SLC14A1: variants seen among roughly 807,000 people sequenced by gnomAD.
The protein encoded by SLC14A1 is solute carrier family 14 member 1 (Kidd blood group).
SLC14A1 carries 36 observed loss-of-function variants against 39.6 expected under a neutral mutation model. The ratio of observed to expected loss-of-function variants is 0.91; its 90% confidence interval spans 0.70 to 1.20. The LOEUF (loss-of-function observed/expected upper bound fraction) is 1.20, where lower values mean the gene tolerates loss of function less well. Among genes scored for constraint, SLC14A1 ranks in the 50% most tolerant of loss-of-function variants. The probability of loss-of-function intolerance (pLI) is 0.00; values close to 1 mark genes in which losing one functional copy is unlikely to be tolerated. For missense variants in SLC14A1, 469 were observed against 478.7 expected (o/e 0.98, Z 0.19); for synonymous variants, 164 against 173.6 (o/e 0.94, Z 0.43).
intron 8 of SLC14A1, among the ~76,000 whole-genome samples, chr18:45,741,737 C>A (rs2047382986): frequency 6.6e-6 from 1 of 152,168 alleles, no homozygotes; most frequent in African/African-American, 2.4e-5. Context: ...GCTGTAGCCA[C>A]CTGAGTTCAG....
chr18:45,746,191 T>A (rs977038094), intron 8 of SLC14A1, among the ~76,000 whole-genome samples: 2 of 152,202 alleles, frequency 1.3e-5, no homozygotes, highest in Non-Finnish European at 2.9e-5. Context: ...CCTGTGGCAG[T>A]CCATTGGAAG....
At chr18:45,730,226 T>G in intron 2 of SLC14A1, 74 bp from the exon 3 acceptor site, 6 of 1,487,188 alleles carry the variant, frequency 4.0e-6, no homozygotes, top group Non-Finnish European at 5.4e-6. Flanking sequence ...TCTTCTACTG[T>G]AACCAGGCCC....
intron 8 of SLC14A1, among the ~76,000 whole-genome samples, chr18:45,744,188 A>G (rs2047477015): frequency 6.6e-6 from 1 of 151,980 alleles, no homozygotes; most frequent in Non-Finnish European, 1.5e-5. Context: ...AATTTTTTGT[A>G]CTTTTTGTAG....
At chr18:45,727,177 C>G (rs1425274540) in intron 2 of SLC14A1, 2 of 1,362,476 alleles carry the variant, frequency 1.5e-6, no homozygotes, top group East Asian at 2.5e-5. Context: ...TCCAGCCCCC[C>G]TCAGCTTGCC....
At chr18:45,731,351 G>A in intron 4 of SLC14A1, 147 bp downstream of exon 4, 1 of 786,932 alleles carries the variant, frequency 1.3e-6, no homozygotes, top group Non-Finnish European at 2.2e-6. Context: ...TTTAGTCAGA[G>A]GTCAGGGAAT....
At chr18:45,741,479 G>A (rs1011400245) in intron 8 of SLC14A1, among the ~76,000 whole-genome samples, 3 of 152,174 alleles carry the variant, frequency 2.0e-5, no homozygotes, top group Non-Finnish European at 2.9e-5. Flanking sequence ...GTATCAGGCG[G>A]GTTTAGAATA....
chr18:45,749,163 G>T (rs2047638851), intron 9 of SLC14A1, among the ~76,000 whole-genome samples: 1 of 151,830 alleles, frequency 6.6e-6, no homozygotes, highest in Admixed American at 6.6e-5. Context: ...AACTCCCCCA[G>T]ATGATTCTGA....
At chr18:45,737,264 T>A (rs1406453288) in intron 6 of SLC14A1, among the ~76,000 whole-genome samples, 2 of 152,018 alleles carry the variant, frequency 1.3e-5, no homozygotes, top group Non-Finnish European at 2.9e-5. Flanking sequence ...CGGGCCAGAG[T>A]TTGAGAACCA....
chr18:45,732,196 T>C (rs984125409), intron 4 of SLC14A1, among the ~76,000 whole-genome samples: 1 of 152,220 alleles, frequency 6.6e-6, no homozygotes, highest in African/African-American at 2.4e-5. Context: ...AGACAAGTCA[T>C]TTATATGTGT....
At chr18:45,727,535 G>A (rs1165297299) in intron 2 of SLC14A1, 3 of 1,226,924 alleles carry the variant, frequency 2.4e-6, no homozygotes, top group Non-Finnish European at 3.3e-6. Context: ...CTAAGCCAAA[G>A]GCACAGGGAT....
At chr18:45,740,816 G>A (rs578202655) in intron 8 of SLC14A1, among the ~76,000 whole-genome samples, 2 of 152,282 alleles carry the variant, frequency 1.3e-5, no homozygotes, top group African/African-American at 4.8e-5. Flanking sequence ...GGGATTACAG[G>A]CATAAGCCAC....
chr18:45,747,686 C>G (rs1385473297), intron 8 of SLC14A1, among the ~76,000 whole-genome samples: 1 of 151,900 alleles, frequency 6.6e-6, no homozygotes, highest in African/African-American at 2.4e-5. Flanking sequence ...CTGAGTGAGA[C>G]TCCATCTCCA....
Position 45,750,396 on chromosome 18 carries a change from G to T in SLC14A1, c.*445G>T. ...AAGTTAATCCAGAATTCTGTGATAAGCAGCTTGGCTTTTTTTTTAAATCAA... is the reference window on the plus strand; with the variant it reads ...AAGTTAATCCAGAATTCTGTGATAATCAGCTTGGCTTTTTTTTTAAATCAA... On this transcript the variant is annotated 3_prime_UTR_variant, in exon 10 of 10. Transcript: ENST00000321925. 9.3e-7 allele frequency: 1 copy of T among 1,077,306 alleles called. No homozygotes were observed. The highest frequency in any genetic ancestry group is 1.1e-6 in the Non-Finnish European group (1 of 886,190). 66.7% of individuals were successfully genotyped at this position (1,077,306 alleles called of 1,614,324 possible).
At chr18:45,744,115 C>T (rs566177792) in intron 8 of SLC14A1, among the ~76,000 whole-genome samples, 13 of 152,016 alleles carry the variant, frequency 8.6e-5, no homozygotes, top group Non-Finnish European at 1.8e-4. Flanking sequence ...TGGGTTCAAG[C>T]GATTCCTATG....
At chr18:45,727,654 A>C (rs930592451) in intron 2 of SLC14A1, among the ~76,000 whole-genome samples, 4 of 152,232 alleles carry the variant, frequency 2.6e-5, no homozygotes, top group Admixed American at 1.3e-4. Flanking sequence ...CTGGGGTTTT[A>C]CGTTTACCCT....
chr18:45,748,967 G>A (rs1394166273), intron 9 of SLC14A1, among the ~76,000 whole-genome samples: 4 of 152,192 alleles, frequency 2.6e-5, no homozygotes, highest in African/African-American at 9.6e-5. Flanking sequence ...GAGTACATCA[G>A]AGCACATGGG....
intron 8 of SLC14A1, among the ~76,000 whole-genome samples, chr18:45,745,165 C>A (rs1252954724): frequency 6.6e-6 from 1 of 152,230 alleles, no homozygotes; most frequent in Non-Finnish European, 1.5e-5. Context: ...ACCACTTGAA[C>A]TCGGAAGGCA....
chr18:45,742,764 G>A lies in SLC14A1; in HGVS notation c.946+3102G>A, dbSNP rs138360371. 5.8e-3 allele frequency among the ~76,000 whole-genome samples: 872 copies of A among 149,066 alleles called. 12 individuals carry two copies. The highest frequency in any genetic ancestry group is 0.021 in the African/African-American group (826 of 38,676). Reference sequence around the variant, plus strand: ...ACGATCTCAGCTCACTGCAACCTCTGCCTCCCGGGTCCCGGTTCAAGCAAT... The same window carrying A: ...ACGATCTCAGCTCACTGCAACCTCTACCTCCCGGGTCCCGGTTCAAGCAAT... On this transcript the variant is annotated intron_variant, in intron 8 of 9. Coordinates refer to ENST00000321925, the MANE Select transcript of SLC14A1 (RefSeq NM_015865.7).
At chr18:45,745,594 G>A (rs1041007278) in intron 8 of SLC14A1, among the ~76,000 whole-genome samples, 5 of 152,102 alleles carry the variant, frequency 3.3e-5, no homozygotes, top group African/African-American at 4.8e-5. Context: ...AATATTTTTG[G>A]TACAAATGTC....
Sources: gnomAD v4.1 joint callset for allele counts (sites outside exome capture counted in the v4.1 genomes callset) on GRCh38, gnomAD v4.1.1 for gene constraint, MANE v1.5 for transcripts, NCBI Gene and HGNC (gene_info 2026-07-23, HGNC 2026-07-21) for gene names.